ANK3: variants seen among roughly 807,000 people sequenced by gnomAD.
The protein encoded by ANK3 is ankyrin-3.
Under a neutral mutation model 370.9 loss-of-function variants are expected in ANK3, and 57 were observed. That is an observed-to-expected ratio of 0.15 (90% CI 0.12 to 0.19). The LOEUF (loss-of-function observed/expected upper bound fraction) is 0.19, where lower values mean the gene tolerates loss of function less well. ANK3 is among the 10% of genes least tolerant of loss of function. The pLI, the probability that ANK3 is intolerant of heterozygous loss-of-function variation, is 1.00. For missense variants in ANK3, 4,439 were observed against 5,302.1 expected (o/e 0.84, Z 5.06); for synonymous variants, 1,929 against 1,946.3 (o/e 0.99, Z 0.23).
intron 2 of ANK3, among the ~76,000 whole-genome samples, chr10:60,565,270 C>T (rs1006204466): frequency 1.3e-5 from 2 of 152,172 alleles, no homozygotes; most frequent in African/African-American, 4.8e-5. Context: ...GCATTAGATT[C>T]TCATAAGGAG....
At position 60,321,273 on chromosome 10, in the gene ANK3, A is replaced by C. The variant is rs992514223; in HGVS notation, c.115-41634T>G. Among the ~76,000 whole-genome samples, 14 of 152,076 alleles carry C rather than the reference A, an allele frequency of 9.2e-5. 1 individual carries two copies. Among genetic ancestry groups the C allele is most frequent in the Non-Finnish European group, 2.1e-4 (14 of 68,024 alleles). ...GTTGGTGGCACACATCTGTGGTCCC[A>C]GCTACTCAAGAGGCTGAGGTTGGAG... On this transcript the variant is annotated intron_variant, in intron 1 of 43. Transcript: ENST00000280772.
chr10:60,149,915 G>C (rs2095025957), intron 23 of ANK3, among the ~76,000 whole-genome samples: 1 of 152,154 alleles, frequency 6.6e-6, no homozygotes, highest in Non-Finnish European at 1.5e-5. Context: ...CGCCATGTTG[G>C]CCAGGCTGGT....
intron 42 of ANK3, among the ~76,000 whole-genome samples, chr10:60,047,106 C>A (rs1453233245): frequency 6.6e-6 from 1 of 152,184 alleles, no homozygotes; most frequent in Non-Finnish European, 1.5e-5. Flanking sequence ...CGCGCCCGGC[C>A]TCAATGAGGT....
At chr10:60,163,224 C>G (rs1239094394) in intron 23 of ANK3, among the ~76,000 whole-genome samples, 3 of 152,026 alleles carry the variant, frequency 2.0e-5, no homozygotes, top group Non-Finnish European at 4.4e-5. Context: ...AATCAAGATA[C>G]TAGTTTTGTA....
chr10:60,068,564 G>A, intron 37 of ANK3, 73 bp downstream of exon 37: 1 of 1,468,748 alleles, frequency 6.8e-7, no homozygotes, highest in Middle Eastern at 1.8e-4. Context: ...GAGTTGGAAA[G>A]TGTTTACAAA....
intron 1 of ANK3, among the ~76,000 whole-genome samples, chr10:60,703,710 G>A (rs886495357): frequency 1.2e-4 from 19 of 152,196 alleles, no homozygotes; most frequent in African/African-American, 4.6e-4. Flanking sequence ...CTACCACCTA[G>A]TATAAAATAT....
chr10:60,232,660 G>T (rs2097263661), intron 8 of ANK3, among the ~76,000 whole-genome samples: 1 of 152,046 alleles, frequency 6.6e-6, no homozygotes, highest in South Asian at 2.1e-4. Flanking sequence ...GTACATACAT[G>T]GTTTCCAGGT....
At chr10:60,600,174 T>C (rs1055842152) in intron 2 of ANK3, among the ~76,000 whole-genome samples, 7 of 152,192 alleles carry the variant, frequency 4.6e-5, no homozygotes, top group Non-Finnish European at 8.8e-5. Context: ...TTCCAAGTGC[T>C]AGGAGATAGT....
intron 2 of ANK3, among the ~76,000 whole-genome samples, chr10:60,450,367 C>T (rs1226748259): frequency 1.3e-5 from 2 of 152,114 alleles, no homozygotes; most frequent in Non-Finnish European, 2.9e-5. Context: ...GATGTAAATA[C>T]TCCCATCATG....
At chr10:60,702,235 C>T (rs1476376000) in intron 1 of ANK3, among the ~76,000 whole-genome samples, 1 of 150,472 alleles carries the variant, frequency 6.6e-6, no homozygotes, top group Non-Finnish European at 1.5e-5. Flanking sequence ...CACTGCACTC[C>T]AGCCTGGGAA....
chr10:60,563,353 A>G (rs773929239), intron 2 of ANK3, among the ~76,000 whole-genome samples: 3 of 152,168 alleles, frequency 2.0e-5, no homozygotes, highest in Non-Finnish European at 2.9e-5. Flanking sequence ...TCTCACCCCA[A>G]GCTAACCTTA....
chr10:60,140,076 A>G (rs546733738), intron 23 of ANK3: 5 of 491,102 alleles, frequency 1.0e-5, no homozygotes, highest in Admixed American at 7.6e-5. Context: ...TCCCCCAGAT[A>G]TATTTTCCAA....
chr10:60,080,737 T>A, intron 35 of ANK3, 119 bp from the exon 36 acceptor site: 1 of 887,916 alleles, frequency 1.1e-6, no homozygotes, highest in Non-Finnish European at 1.7e-6. Context: ...TTAGGAAATG[T>A]TAATTTCCCA....
At chr10:60,132,028 T>C (rs765871372) in intron 25 of ANK3, among the ~76,000 whole-genome samples, 2 of 152,088 alleles carry the variant, frequency 1.3e-5, no homozygotes, top group African/African-American at 4.8e-5. Flanking sequence ...TAACAGGCAT[T>C]TTTATACTTA....
chr10:60,533,159 T>C lies in ANK3; in HGVS notation c.96+82027A>G, dbSNP rs2076647043. Reference sequence around the variant, plus strand: ...CCTTGCTGCTCAATTTGGACACGACTGGACCAAAAGGAACTGGTACCAGGC... The same window carrying C: ...CCTTGCTGCTCAATTTGGACACGACCGGACCAAAAGGAACTGGTACCAGGC... On this transcript the variant is annotated intron_variant, in intron 2 of 43. Transcript: ENST00000373827. Among the ~76,000 whole-genome samples the C allele has an allele frequency of 2.6e-5, 4 of 152,160 alleles. No individual in the cohort carries two copies. The South Asian group carries it at 8.3e-4, about 32-fold the overall frequency.
intron 2 of ANK3, among the ~76,000 whole-genome samples, chr10:60,460,780 G>C (rs2064864464): frequency 6.6e-6 from 1 of 152,040 alleles, no homozygotes. Context: ...ACTCAATGCA[G>C]ACAGAACCAT....
rs184716733 is a variant in ANK3 at position 60,426,521 on chromosome 10, G to C, written c.97-146882C>G. 4.0e-4 allele frequency among the ~76,000 whole-genome samples: 61 copies of C among 152,198 alleles called. 1 individual carries two copies. The highest frequency in any genetic ancestry group is 1.5e-5 in the Non-Finnish European group (1 of 67,998). Reference sequence around the variant, plus strand: ...ATTTAGATTGAACTCATGGGCAGGAGACGCAATGAGTCATTTGGCAAATCT... The same window carrying C: ...ATTTAGATTGAACTCATGGGCAGGACACGCAATGAGTCATTTGGCAAATCT... On this transcript the variant is annotated intron_variant, in intron 2 of 43. Transcript: ENST00000373827.
rs114623129 is a variant in ANK3 at position 60,143,151 on chromosome 10, C to A, written c.2615-4064G>T. 9.2e-3 allele frequency among the ~76,000 whole-genome samples: 1,398 copies of A among 152,248 alleles called. 31 individuals carry two copies. Among genetic ancestry groups the A allele is most frequent in the African/African-American group, 0.032 (1,324 of 41,544 alleles). On this transcript the variant is annotated intron_variant, in intron 23 of 43. Transcript: ENST00000280772. ...CTATTTATACTGGTAAAGGCAAAATCCAATTACAGCAGTAAAATGTCCCTG... is the reference window on the plus strand; with the variant it reads ...CTATTTATACTGGTAAAGGCAAAATACAATTACAGCAGTAAAATGTCCCTG...
At position 60,070,778 on chromosome 10, in the gene ANK3, T is replaced by C; in HGVS notation, c.10103A>G (p.Asp3368Gly). Reference sequence around the variant, plus strand: ...ATCAAGGCCAAGGCCAAATTCATTATCTTTTCCAGATCCATTACTTTCCAG... The same window carrying C: ...ATCAAGGCCAAGGCCAAATTCATTACCTTTTCCAGATCCATTACTTTCCAG... Reference protein sequence around the residue: ...KELESNGSGKDNEFGLGLDSP... With the variant: ...KELESNGSGKGNEFGLGLDSP... Residue 3368 changes from aspartate to glycine, a missense_variant, in exon 37 of 44, where the codon GAT becomes GGT. This residue lies in a region of ANK3 where 1,601 missense variants were observed against 1,731.7 expected (regional missense o/e 0.92). Transcript: ENST00000280772. This position sits in a 1 kb window ranked among gnomAD's most constrained non-coding sequence, Gnocchi z 5.7. 1 of 1,614,222 alleles carries C rather than the reference T, an allele frequency of 6.2e-7. No homozygotes were observed. The highest frequency in any genetic ancestry group is 8.5e-7 in the Non-Finnish European group (1 of 1,180,026).
Sources: gnomAD v4.1 joint callset for allele counts (sites outside exome capture counted in the v4.1 genomes callset) on GRCh38, gnomAD v4.1.1 for gene constraint, gnomAD v4.1.1 regional missense constraint, Gnocchi (gnomAD v3.1) non-coding constraint, MANE v1.5 for transcripts, NCBI Gene and HGNC (gene_info 2026-07-23, HGNC 2026-07-21) for gene names.